Variants in ZBTB37 observed in about 807,000 individuals in gnomAD.
ZBTB37 encodes zinc finger and BTB domain-containing protein 37.
A neutral mutation model predicts 37.7 loss-of-function variants in ZBTB37; 15 were observed. That is an observed-to-expected ratio of 0.40 (90% CI 0.27 to 0.61). ZBTB37 has a LOEUF of 0.61. ZBTB37 is among the 20% of genes least tolerant of loss of function. The pLI is 0.44. For missense variants in ZBTB37, 514 were observed against 641.9 expected (o/e 0.80, Z 2.15); for synonymous variants, 231 against 220.6 (o/e 1.05, Z -0.42).
exon 5 of ZBTB37, chr1:173,885,816 G>A (rs1339850710): frequency 1.1e-5 from 17 of 1,551,620 alleles, no homozygotes; most frequent in East Asian, 2.4e-5. Context: ...CACACCATTC[G>A]TCTGCCGCAT....
chr1:173,868,216 C>T (rs1396829815), upstream of ZBTB37: 1 of 153,800 alleles, frequency 6.5e-6, no homozygotes, highest in Admixed American at 6.5e-5. Context: ...CGCCCTCCTC[C>T]CGACTGAGGA....
At chr1:173,870,442 G>T in exon 3 of ZBTB37, 1 of 1,614,216 alleles carries the variant, frequency 6.2e-7, no homozygotes, top group Non-Finnish European at 8.5e-7. Flanking sequence ...CTCCATTTCA[G>T]TCATCAAGAA....
intron 4 of ZBTB37, among the ~76,000 whole-genome samples, chr1:173,883,185 A>C (rs1162081130): frequency 2.0e-5 from 3 of 152,184 alleles, no homozygotes; most frequent in African/African-American, 7.2e-5. Flanking sequence ...ATTTAGAAAA[A>C]AGAGTACTGT....
At chr1:173,870,489 C>T in exon 3 of ZBTB37, 1 of 1,614,220 alleles carries the variant, frequency 6.2e-7, no homozygotes. Flanking sequence ...CTTTCTGTTA[C>T]ACAGGGCGGA....
exon 4 of ZBTB37, chr1:173,897,643 CAG>C (rs1475347595): frequency 6.6e-6 from 1 of 152,134 alleles, no homozygotes; most frequent in African/African-American, 2.4e-5. Context: ...GCATAAAAGT[CAG>C]TGTAGAATAT....
In ZBTB37 at chr1:173,886,437, T is replaced by G. The variant is rs567448433; in HGVS notation, c.*313T>G. The G allele has an allele frequency of 4.0e-5, 13 of 323,536 alleles. No individual in the cohort carries two copies. In the South Asian group the frequency reaches 4.6e-4, roughly 11 times the overall value. 20.0% of individuals were successfully genotyped at this position (323,536 alleles called of 1,614,324 possible). On this transcript the variant is annotated 3_prime_UTR_variant, in exon 5 of 5. Transcript: ENST00000427304. ...AAAACGATGATGATAAATGGTCATTTATCTATCAGTCATGTTTGAACACTG... is the reference window on the plus strand; with the variant it reads ...AAAACGATGATGATAAATGGTCATTGATCTATCAGTCATGTTTGAACACTG...
At chr1:173,882,401 C>T (rs541982496) in intron 4 of ZBTB37, among the ~76,000 whole-genome samples, 1 of 151,924 alleles carries the variant, frequency 6.6e-6, no homozygotes, top group Admixed American at 6.5e-5. Flanking sequence ...GCCACCACGC[C>T]CAGCTAATTT....
chr1:173,884,492 G>A (rs907078111), intron 4 of ZBTB37, among the ~76,000 whole-genome samples: 1 of 152,022 alleles, frequency 6.6e-6, no homozygotes, highest in Non-Finnish European at 1.5e-5. Context: ...TTATTGAAAG[G>A]AATATGTTCA....
chr1:173,874,135 A>G lies in ZBTB37; in HGVS notation c.1023+569A>G, dbSNP rs565366774. On this transcript the variant is annotated intron_variant, in intron 4 of 4. Transcript: ENST00000427304. ...CCAGGCATGGTGGCACGTGCCCGTG[A>G]TCCCAACTACTCCAGAGGCTGAGGC... Among the ~76,000 whole-genome samples the G allele has an allele frequency of 1.6e-4, 24 of 151,522 alleles. No homozygotes were observed. In the South Asian group the frequency reaches 5.0e-3, roughly 32 times the overall value.
chr1:173,870,456 T>C, exon 3 of ZBTB37: 5 of 1,614,254 alleles, frequency 3.1e-6, no homozygotes, highest in Non-Finnish European at 4.2e-6. Flanking sequence ...TCAAGAACCC[T>C]ACTGTTTTTG....
At chr1:173,885,479 T>A (rs1371002049) in intron 4 of ZBTB37, among the ~76,000 whole-genome samples, 157 bp from the exon 5 acceptor site, 1 of 152,230 alleles carries the variant, frequency 6.6e-6, no homozygotes, top group African/African-American at 2.4e-5. Flanking sequence ...AAAATTATTA[T>A]GGTAATATCT....
At chr1:173,868,283 G>C (rs954046202), upstream of ZBTB37, 1 of 153,188 alleles carries the variant, frequency 6.5e-6, no homozygotes, top group African/African-American at 2.4e-5. Flanking sequence ...GATGGGGGAA[G>C]GGGGGGCGGT....
At chr1:173,889,578 G>A (rs1319689477), downstream of ZBTB37, 2 of 152,214 alleles carry the variant, frequency 1.3e-5, no homozygotes, top group Non-Finnish European at 2.9e-5. Context: ...ATACTAAGAT[G>A]TTCCTTTATT....
intron 4 of ZBTB37, among the ~76,000 whole-genome samples, chr1:173,876,913 T>C (rs1557886175): frequency 6.6e-6 from 1 of 152,182 alleles, no homozygotes; most frequent in African/African-American, 2.4e-5. Context: ...TACACAAATT[T>C]AGATGGTATA....
intron 4 of ZBTB37, among the ~76,000 whole-genome samples, chr1:173,875,997 T>C (rs1039771172): frequency 2.0e-5 from 3 of 152,216 alleles, no homozygotes; most frequent in Non-Finnish European, 2.9e-5. Flanking sequence ...TTTCATGTAC[T>C]GTATCTTGTC....
chr1:173,883,898 G>A (rs1024117706), intron 4 of ZBTB37, among the ~76,000 whole-genome samples: 9 of 152,140 alleles, frequency 5.9e-5, no homozygotes, highest in South Asian at 2.1e-4. Flanking sequence ...AAAAAGTACC[G>A]GCACAATATT....
chr1:173,885,104 C>T (rs567830705), intron 4 of ZBTB37, among the ~76,000 whole-genome samples: 16 of 152,214 alleles, frequency 1.1e-4, no homozygotes, highest in Middle Eastern at 6.8e-3. Context: ...AGTGGTGGTG[C>T]GTGCTGGTGG....
rs1656511689 is a variant in ZBTB37 at position 173,884,450 on chromosome 1, A to T, written c.1024-1186A>T. Among the ~76,000 whole-genome samples the T allele has an allele frequency of 2.0e-5, 3 of 152,160 alleles. No individual in the cohort carries two copies. In the South Asian group the frequency reaches 6.2e-4, roughly 32 times the overall value. ...TGGGATTATAGGCATAAGCCACCAC[A>T]TCTGGCCTTAAATCCAAGATTTTTA... On this transcript the variant is annotated intron_variant, in intron 4 of 4. Transcript: ENST00000427304.
At chr1:173,879,529 A>G (rs1557887431) in intron 4 of ZBTB37, among the ~76,000 whole-genome samples, 1 of 152,172 alleles carries the variant, frequency 6.6e-6, no homozygotes, top group Non-Finnish European at 1.5e-5. Context: ...CACTTTTAAG[A>G]AGAGGGCTCC....
Sources: gnomAD v4.1 joint callset for allele counts (sites outside exome capture counted in the v4.1 genomes callset) on GRCh38, gnomAD v4.1.1 for gene constraint, MANE v1.5 for transcripts, NCBI Gene and HGNC (gene_info 2026-07-23, HGNC 2026-07-21) for gene names.